The following CCBE1 variants were observed in gnomAD, a reference collection of about 807,000 sequenced individuals.
CCBE1 encodes the protein collagen and calcium binding EGF domains 1, also known as collagen and calcium-binding EGF domain-containing protein 1.
A neutral mutation model predicts 50.0 loss-of-function variants in CCBE1; 37 were observed. The observed-to-expected ratio is 0.74, with a 90% CI of 0.57 to 0.97. CCBE1 has a LOEUF of 0.97. Ranked by LOEUF, CCBE1 falls within the 50% of genes least tolerant of loss-of-function variation. CCBE1 has a pLI of 0.00. For missense variants in CCBE1, 538 were observed against 523.8 expected (o/e 1.03, Z -0.26); for synonymous variants, 234 against 203.7 (o/e 1.15, Z -1.27).
intron 2 of CCBE1, among the ~76,000 whole-genome samples, chr18:59,578,406 A>G (rs78181632): frequency 0.088 from 13,337 of 152,304 alleles, 615 homozygotes; most frequent in East Asian, 0.13. Flanking sequence ...TCAAGGATCT[A>G]GAACCAGAAA....
chr18:59,668,817 GTCTT>G (rs2054391949), intron 2 of CCBE1, among the ~76,000 whole-genome samples: 1 of 96,454 alleles, frequency 1.0e-5, no homozygotes, highest in Non-Finnish European at 2.1e-5. Context: ...TTTTCCATAA[GTCTT>G]TTTTTTTTTT....
intron 10 of CCBE1, among the ~76,000 whole-genome samples, chr18:59,436,791 A>T (rs1910177323): frequency 6.6e-6 from 1 of 152,102 alleles, no homozygotes; most frequent in South Asian, 2.1e-4. Context: ...AAACATGGTG[A>T]AACCCTGTCT....
intron 2 of CCBE1, among the ~76,000 whole-genome samples, chr18:59,648,574 C>T (rs958112480): frequency 1.4e-4 from 21 of 152,142 alleles, no homozygotes; most frequent in African/African-American, 1.2e-4. Context: ...GGCGTGGTGG[C>T]GCATGCCTGT....
At chr18:59,454,607 G>A (rs1256214160) in intron 6 of CCBE1, among the ~76,000 whole-genome samples, 2 of 152,150 alleles carry the variant, frequency 1.3e-5, no homozygotes, top group African/African-American at 2.4e-5. Context: ...GCTTTGCCAC[G>A]TGTCCCTTAC....
chr18:59,495,290 G>C (rs1913297101), intron 2 of CCBE1, among the ~76,000 whole-genome samples: 1 of 151,104 alleles, frequency 6.6e-6, no homozygotes. Context: ...TGATTAACAT[G>C]GTTAATCACC....
Position 59,626,965 on chromosome 18 carries a change from T to C in CCBE1, c.212+69664A>G, listed in dbSNP as rs117006894. The stretch of plus-strand genomic sequence containing the variant: ...TCCACAAGCTTCCCAACTGTGCCCA[T>C]GGTCTTGGGATTGTGTGTCCATCCT... On this transcript the variant is annotated intron_variant, in intron 2 of 10. Coordinates refer to ENST00000439986, the MANE Select transcript of CCBE1 (RefSeq NM_133459.4). 3.3e-3 allele frequency among the ~76,000 whole-genome samples: 503 copies of C among 152,354 alleles called. 12 individuals are homozygous for C. In the East Asian group the frequency reaches 0.044, roughly 13 times the overall value.
chr18:59,656,046 G>A (rs961687302), intron 2 of CCBE1, among the ~76,000 whole-genome samples: 2 of 152,168 alleles, frequency 1.3e-5, no homozygotes, highest in African/African-American at 4.8e-5. Context: ...AAACATGAAG[G>A]GGTGGTGGGA....
intron 2 of CCBE1, among the ~76,000 whole-genome samples, chr18:59,659,805 G>A (rs1340700429): frequency 6.6e-6 from 1 of 152,170 alleles, no homozygotes; most frequent in African/African-American, 2.4e-5. Context: ...AATGAGCTGC[G>A]TGATCAAACA....
intron 5 of CCBE1, chr18:59,464,009 T>C (rs982232644): frequency 2.0e-5 from 3 of 152,230 alleles, no homozygotes; most frequent in Non-Finnish European, 4.4e-5. Flanking sequence ...AGTGGCTAAA[T>C]AGCTGCACCC....
At chr18:59,669,704 G>C (rs565994531) in intron 2 of CCBE1, among the ~76,000 whole-genome samples, 20 of 152,326 alleles carry the variant, frequency 1.3e-4, no homozygotes, top group Middle Eastern at 3.4e-3. Flanking sequence ...GATGACTTCA[G>C]GTTCCCTCAC....
chr18:59,508,710 G>GTTTTT (rs1568177680), intron 2 of CCBE1, among the ~76,000 whole-genome samples: 6 of 99,396 alleles, frequency 6.0e-5, no homozygotes, highest in East Asian at 3.3e-4. Flanking sequence ...ATAGAGTTAC[G>GTTTTT]CTTTTTTTTT....
chr18:59,567,120 T>C (rs1438267806), intron 2 of CCBE1, among the ~76,000 whole-genome samples: 1 of 152,156 alleles, frequency 6.6e-6, no homozygotes, highest in Non-Finnish European at 1.5e-5. Flanking sequence ...TTTTTTCTTT[T>C]CTTTTCTTTT....
chr18:59,480,232 CT>C lies in CCBE1; in HGVS notation c.218del (p.Lys73SerfsTer121). On this transcript the variant is annotated frameshift_variant, in exon 3 of 11. Coordinates refer to ENST00000439986, the MANE Select transcript of CCBE1 (RefSeq NM_133459.4). LOFTEE classifies it high-confidence loss of function. ...SGELTTCYRK[K>X]CCKGYKFVLG... ...GAACAAATTTATATCCTTTGCAGCA[CT>C]TTTTCCTAAGAGACAAACAAACATT... The C allele has an allele frequency of 2.5e-6, 4 of 1,594,248 alleles. No individual in the cohort carries two copies. Among genetic ancestry groups the C allele is most frequent in the Non-Finnish European group, 3.4e-6 (4 of 1,162,636 alleles).
chr18:59,593,033 G>C (rs142235625), intron 2 of CCBE1, among the ~76,000 whole-genome samples: 4 of 152,190 alleles, frequency 2.6e-5, no homozygotes, highest in Admixed American at 1.3e-4. Context: ...GAAATGCAAG[G>C]AAGTGTTAGG....
chr18:59,603,251 C>T (rs1316348924), intron 2 of CCBE1, among the ~76,000 whole-genome samples: 1 of 152,096 alleles, frequency 6.6e-6, no homozygotes, highest in African/African-American at 2.4e-5. Flanking sequence ...AGAATTTGGC[C>T]CCTGGGGCTG....
At position 59,438,099 on chromosome 18, in the gene CCBE1, A is replaced by G. The variant is rs1158349770; in HGVS notation, c.987+12T>C. On this transcript the variant is annotated intron_variant, in intron 10 of 10. Coordinates refer to ENST00000439986, the MANE Select transcript of CCBE1 (RefSeq NM_133459.4). ...GTTCCCCTGGGGAAGCAGGACACAGAGTGCTACTTACTGGAGACCCTCTGG... is the reference window on the plus strand; with the variant it reads ...GTTCCCCTGGGGAAGCAGGACACAGGGTGCTACTTACTGGAGACCCTCTGG... The G allele has an allele frequency of 6.2e-7, 1 of 1,613,974 alleles. No individual in the cohort carries two copies. Among genetic ancestry groups the G allele is most frequent in the Non-Finnish European group, 8.5e-7 (1 of 1,179,900 alleles).
Position 59,629,782 on chromosome 18 carries a change from G to A in CCBE1, c.212+66847C>T, listed in dbSNP as rs1285488332. Among the ~76,000 whole-genome samples, 5 of 152,174 alleles carry A rather than the reference G, an allele frequency of 3.3e-5. No individual in the cohort carries two copies. The East Asian group carries it at 9.6e-4, about 29-fold the overall frequency. Reference sequence around the variant, plus strand: ...CAAAAACAGACAGGCATATGTGCCTGGAGGTTCTCAACAGCTTGTCGGGGG... The same window carrying A: ...CAAAAACAGACAGGCATATGTGCCTAGAGGTTCTCAACAGCTTGTCGGGGG... On this transcript the variant is annotated intron_variant, in intron 2 of 10. Coordinates refer to ENST00000439986, the MANE Select transcript of CCBE1 (RefSeq NM_133459.4).
intron 2 of CCBE1, among the ~76,000 whole-genome samples, chr18:59,501,935 A>G (rs2143839057): frequency 6.6e-6 from 1 of 152,264 alleles, no homozygotes; most frequent in Middle Eastern, 3.4e-3. Context: ...AGTAGCTGCA[A>G]CTACAGGCGT....
rs150369338 is a variant in CCBE1, at chr18:59,619,262, ATATT to A, written c.212+77363_212+77366del. ...ACTATCATGTGAGGAGGGGTACTAAATATTTATGTTTTCCAAATTGAAAGCCAGG... is the reference window on the plus strand; with the variant it reads ...ACTATCATGTGAGGAGGGGTACTAAATATGTTTTCCAAATTGAAAGCCAGG... On this transcript the variant is annotated intron_variant, in intron 2 of 10. Transcript: ENST00000439986. Among the ~76,000 whole-genome samples the A allele has an allele frequency of 6.5e-3, 985 of 152,296 alleles. 13 individuals are homozygous for A. Among genetic ancestry groups the A allele is most frequent in the African/African-American group, 0.023 (938 of 41,574 alleles).
Sources: allele counts gnomAD v4.1 joint callset (sites outside exome capture counted in the v4.1 genomes callset), GRCh38; gene constraint gnomAD v4.1.1; transcripts MANE v1.5; gene names NCBI Gene and HGNC (gene_info 2026-07-23, HGNC 2026-07-21).